Variants in PI4KA observed in about 807,000 individuals in gnomAD.
The protein encoded by PI4KA is PI4-kinase alpha.
A neutral mutation model predicts 271.4 loss-of-function variants in PI4KA; 122 were observed. The ratio of observed to expected loss-of-function variants is 0.45; its 90% CI spans 0.39 to 0.52. The LOEUF is 0.52. Ranked by LOEUF, PI4KA falls within the 20% of genes least tolerant of loss-of-function variation. PI4KA has a pLI of 0.00. For synonymous variants in PI4KA, 1,041 were observed against 1,078.8 expected (o/e 0.96, Z 0.69); for missense variants, 1,969 against 2,769.1 (o/e 0.71, Z 6.48).
At position 20,751,734 on chromosome 22, in the gene PI4KA, G is replaced by T. The variant is rs1029117680; in HGVS notation, c.3009C>A (p.Ser1003Arg). The T allele has an allele frequency of 1.2e-6, 2 of 1,613,988 alleles. No individual in the cohort carries two copies. The highest frequency in any genetic ancestry group is 1.1e-5 in the South Asian group (1 of 91,084). Residue 1003 changes from serine (S) to arginine (R), a missense_variant, in exon 26 of 55, where the codon AGC becomes AGA. Physicochemically the swap from Ser to Arg is moderately radical, Grantham distance 110. Coordinates refer to ENST00000255882, the MANE Select transcript of PI4KA (RefSeq NM_058004.4). Reference protein sequence around the residue: ...LVDKFPHLLWSGTVLKTMLDI... With the variant: ...LVDKFPHLLWRGTVLKTMLDI... ...CCAGCATGGTCTTCAGCACAGTCCC[G>T]CTCCAGAGCAAGTGGGGAAACCTGC...
chr22:20,726,550 G>T lies in PI4KA; in HGVS notation c.4942-9C>A. On this transcript the variant is annotated splice_polypyrimidine_tract_variant and intron_variant, in intron 41 of 54. Coordinates refer to ENST00000255882, the MANE Select transcript of PI4KA (RefSeq NM_058004.4). ...TAGAAGAGGATGGCGTCCTGTGGAG[G>T]TGGAGCAGAGTTGGCCATGACTTCT... The T allele has an allele frequency of 6.3e-7, 1 of 1,584,498 alleles. No individual in the cohort carries two copies. The highest frequency in any genetic ancestry group is 8.6e-7 in the Non-Finnish European group (1 of 1,167,606).
intron 7 of PI4KA, among the ~76,000 whole-genome samples, chr22:20,817,985 C>G (rs1367030985): frequency 6.6e-6 from 1 of 151,758 alleles, no homozygotes; most frequent in African/African-American, 2.4e-5. Context: ...ATTAGCTGAG[C>G]ATGCTGGTGT....
In PI4KA at chr22:20,744,732, T is replaced by A; in HGVS notation, c.3364-12A>T. The A allele has an allele frequency of 6.2e-7, 1 of 1,607,836 alleles. No individual in the cohort carries two copies. On this transcript the variant is annotated splice_polypyrimidine_tract_variant and intron_variant, in intron 29 of 54. Coordinates refer to ENST00000255882, the MANE Select transcript of PI4KA (RefSeq NM_058004.4). ...CTCAGCTGAGTTGCCTACAGACAGA[T>A]AACCATTATTGTAGACTATGGCAGC... is the stretch of plus-strand genomic sequence containing the variant.
rs1037586554 is a variant in PI4KA, at chr22:20,725,669, C to A, written c.4995+819G>T. 3.4e-5 allele frequency: 12 copies of A among 354,808 alleles called. No individual in the cohort carries two copies. In the Middle Eastern group the frequency reaches 1.6e-3, roughly 48 times the overall value. The allele number at this position is 354,808 out of a possible 1,614,324, so 22.0% of individuals were successfully genotyped here. A position where few individuals can be genotyped will look rare whatever the true frequency, so the allele number is the denominator to read the frequency against. On this transcript the variant is annotated intron_variant, in intron 42 of 54. Coordinates refer to ENST00000255882, the MANE Select transcript of PI4KA (RefSeq NM_058004.4). ...CAGCACTTTTGGAGGCGGAGGTGGG[C>A]AGATTGCCTGAGCTCAGGAGTTTGA... is the stretch of plus-strand genomic sequence containing the variant.
At chr22:20,790,574 T>C (rs1934562064) in intron 19 of PI4KA, among the ~76,000 whole-genome samples, 1 of 151,698 alleles carries the variant, frequency 6.6e-6, no homozygotes, top group African/African-American at 2.4e-5. Context: ...GGCAGGAGAA[T>C]AGCTTGAACC....
rs754741204 is a variant in PI4KA, at chr22:20,813,448, G to C, written c.915C>G (p.Ser305Arg). Residue 305 changes from serine (S) to arginine (R), a missense_variant, in exon 8 of 55, where the codon AGC becomes AGG. Ser to Arg is a moderately radical substitution (Grantham distance 110). Around this residue, in one of 13 missense-constraint regions of PI4KA, gnomAD observed 540 missense variants for 555.5 expected, o/e 0.97. Transcript: ENST00000255882. The part of the protein sequence containing the change: ...LEPEYYFSTI[S>R]SSFSVSPLFN... ...AAAGGGGAGAGACTGAGAAGCTGGA[G>C]CTGATGGTTGAAAAGTAGTACTCAG... 10 of 1,613,624 alleles carry C rather than the reference G, an allele frequency of 6.2e-6. No individual in the cohort carries two copies. Among genetic ancestry groups the C allele is most frequent in the Non-Finnish European group, 7.6e-6 (9 of 1,179,542 alleles).
chr22:20,776,320 C>A (rs1933268931), intron 19 of PI4KA, among the ~76,000 whole-genome samples: 1 of 151,966 alleles, frequency 6.6e-6, no homozygotes, highest in Non-Finnish European at 1.5e-5. Context: ...TGAGACCCCG[C>A]CGTCTCAAAA....
intron 1 of PI4KA, among the ~76,000 whole-genome samples, chr22:20,848,237 C>CA (rs60503165): frequency 0.067 from 3,238 of 48,658 alleles, 65 homozygotes; most frequent in Non-Finnish European, 0.077. Flanking sequence ...GACTCCATCT[C>CA]AAAAAAAAAA....
chr22:20,777,866 C>T (rs165912), intron 19 of PI4KA, among the ~76,000 whole-genome samples: 70,887 of 151,940 alleles, frequency 0.47, 17,268 homozygotes, highest in African/African-American at 0.6. Flanking sequence ...CTCCTCTGAA[C>T]GAGTCAGAGG....
rs1054987981 is a variant in PI4KA at position 20,858,690 on chromosome 22, T to G, written c.36A>C (p.Gly12=). ...AAAPARGGGG[G]GGGGGGCSGS... is the part of the protein sequence containing the mutation. Reference sequence around the variant, plus strand: ...CGGAGCAGCCGCCGCCGCCTCCGCCTCCGCCTCCGCCTCCCCGGGCCGGGG... The same window carrying G: ...CGGAGCAGCCGCCGCCGCCTCCGCCGCCGCCTCCGCCTCCCCGGGCCGGGG... The change falls in exon 1 of 55, where the codon GGA becomes GGC. Residue 12 remains glycine (G), a synonymous_variant. Transcript: ENST00000255882. The G allele has an allele frequency of 4.1e-6, 6 of 1,467,072 alleles. No individual in the cohort carries two copies. The highest frequency in any genetic ancestry group is 4.5e-6 in the Non-Finnish European group (5 of 1,114,662). The allele number at this position is 1,467,072 out of a possible 1,614,324, so 90.9% of individuals were successfully genotyped here.
At chr22:20,715,267 C>G (rs957146292) in intron 45 of PI4KA, among the ~76,000 whole-genome samples, 1 of 151,684 alleles carries the variant, frequency 6.6e-6, no homozygotes, top group Non-Finnish European at 1.5e-5. Flanking sequence ...GATGGGGTTT[C>G]ACCATGTTGG....
chr22:20,758,459 C>CTTTTTTTTTTTTTTTTTTTTTTTT (rs35401829), intron 23 of PI4KA, among the ~76,000 whole-genome samples: 5 of 85,032 alleles, frequency 5.9e-5, no homozygotes, highest in Admixed American at 1.6e-4. Context: ...TCTTTCTTTT[C>CTTTTTTTTTTTTTTTTTTTTTTTT]TTTTTTTTTT....
intron 32 of PI4KA, among the ~76,000 whole-genome samples, chr22:20,740,835 C>T (rs760480220): frequency 6.6e-6 from 1 of 152,172 alleles, no homozygotes; most frequent in Non-Finnish European, 1.5e-5. Context: ...AAACAAAAAA[C>T]TATCAACCTA....
At chr22:20,806,339 A>G (rs1935649302) in intron 10 of PI4KA, among the ~76,000 whole-genome samples, 1 of 152,206 alleles carries the variant, frequency 6.6e-6, no homozygotes, top group Admixed American at 6.5e-5. Flanking sequence ...GACTAGAAGA[A>G]AATGCTAAAT....
rs1929861486 is a variant in PI4KA at position 20,744,703 on chromosome 22, C to T, written c.3381G>A (p.Glu1127=). 1 of 1,614,036 alleles carries T rather than the reference C, an allele frequency of 6.2e-7. No homozygotes were observed. The highest frequency in any genetic ancestry group is 1.7e-5 in the Admixed American group (1 of 60,022). ...NTTLGATQLS[E]RPACVKKDYS... is the part of the protein sequence containing the mutation. ...AGTCTTTCTTCACACAGGCCGGGCG[C>T]TCGCTCAGCTGAGTTGCCTACAGAC... is the stretch of plus-strand genomic sequence containing the variant. Residue 1127 remains glutamate (E), a synonymous_variant, in exon 30 of 55, where the codon GAG becomes GAA. Coordinates refer to ENST00000255882, the MANE Select transcript of PI4KA (RefSeq NM_058004.4).
chr22:20,851,495 G>A (rs571524425), intron 1 of PI4KA, among the ~76,000 whole-genome samples: 9 of 152,118 alleles, frequency 5.9e-5, no homozygotes, highest in African/African-American at 1.7e-4. Flanking sequence ...ACACCACCAC[G>A]CCCTGCTAAT....
At chr22:20,804,555 T>A (rs748893131) in intron 11 of PI4KA, among the ~76,000 whole-genome samples, 155 bp from the exon 12 acceptor site, 2 of 151,992 alleles carry the variant, frequency 1.3e-5, no homozygotes, top group Non-Finnish European at 2.9e-5. Context: ...TGTGTGACAC[T>A]CTCTCTCTCT....
chr22:20,733,789 G>T lies in PI4KA; in HGVS notation c.4107C>A (p.Thr1369=), dbSNP rs763476109. ...LLHADVVPNA[T]IRNVLREKIY... ...TCTTCTCGCGAAGCACATTGCGGAT[G>T]GTTGCATTTGGAACCACATCGGCAT... is the stretch of plus-strand genomic sequence containing the variant. The change falls in exon 35 of 55, where the codon ACC becomes ACA. Residue 1369 remains threonine, a synonymous_variant. Transcript: ENST00000255882. 6.2e-7 allele frequency: 1 copy of T among 1,612,944 alleles called. No individual in the cohort carries two copies. The highest frequency in any genetic ancestry group is 8.5e-7 in the Non-Finnish European group (1 of 1,179,832).
chr22:20,828,561 G>T (rs1478971991), intron 3 of PI4KA, among the ~76,000 whole-genome samples: 2 of 151,828 alleles, frequency 1.3e-5, no homozygotes, highest in African/African-American at 4.8e-5. Context: ...GGATTTTTTT[G>T]GGGTTTTTTT....
Sources: gnomAD v4.1 joint callset for allele counts (sites outside exome capture counted in the v4.1 genomes callset) on GRCh38, gnomAD v4.1.1 for gene constraint, gnomAD v4.1.1 regional missense constraint, MANE v1.5 for transcripts, NCBI Gene and HGNC (gene_info 2026-07-23, HGNC 2026-07-21) for gene names.